KIF16B: variants seen among roughly 807,000 people sequenced by gnomAD.
KIF16B encodes the protein kinesin-like protein KIF16B.
Under a neutral mutation model 156.3 loss-of-function variants are expected in KIF16B, and 98 were observed. The ratio of observed to expected loss-of-function variants is 0.63; its 90% CI spans 0.53 to 0.74. The LOEUF (loss-of-function observed/expected upper bound fraction) is 0.74, where lower values mean the gene tolerates loss of function less well. Among genes scored for constraint, KIF16B ranks in the 30% least tolerant of loss-of-function variants. The pLI is 0.00. For missense variants in KIF16B, 1,421 were observed against 1,606.5 expected (o/e 0.88, Z 1.97); for synonymous variants, 564 against 583.7 (o/e 0.97, Z 0.49).
At chr20:16,546,407 T>C (rs1228253478) in intron 1 of KIF16B, among the ~76,000 whole-genome samples, 1 of 152,206 alleles carries the variant, frequency 6.6e-6, no homozygotes, top group South Asian at 2.1e-4. Flanking sequence ...CCTCCATTTA[T>C]TCAGTTAATG....
chr20:16,554,585 C>T (rs2070779951), intron 1 of KIF16B, among the ~76,000 whole-genome samples: 1 of 152,208 alleles, frequency 6.6e-6, no homozygotes, highest in East Asian at 1.9e-4. Context: ...GAACTTGGGA[C>T]CCATCAAATG....
chr20:16,403,635 T>G (rs2065710859), intron 17 of KIF16B, among the ~76,000 whole-genome samples: 1 of 152,202 alleles, frequency 6.6e-6, no homozygotes, highest in Non-Finnish European at 1.5e-5. Flanking sequence ...AGTGCTGTAC[T>G]ACATGGCTTT....
rs1483486430 is a variant in KIF16B, at chr20:16,368,346, G to A, written c.3498+2240C>T. On this transcript the variant is annotated intron_variant, in intron 22 of 25. Coordinates refer to ENST00000354981, the MANE Select transcript of KIF16B (RefSeq NM_024704.5). Reference sequence around the variant, plus strand: ...CTGGCCTCAGGCTCCCTGCAGCTTCGCTCTCGCTGCTGCCAACCCGAGCTT... The same window carrying A: ...CTGGCCTCAGGCTCCCTGCAGCTTCACTCTCGCTGCTGCCAACCCGAGCTT... The A allele has an allele frequency of 1.4e-5, 14 of 989,102 alleles. No individual in the cohort carries two copies. The Admixed American group carries it at 3.0e-4, about 21-fold the overall frequency. 61.3% of individuals were successfully genotyped at this position (989,102 alleles called of 1,614,324 possible). A position where few individuals can be genotyped will look rare whatever the true frequency, so the allele number is the denominator to read the frequency against.
At chr20:16,508,825 C>T (rs779710252) in intron 6 of KIF16B, among the ~76,000 whole-genome samples, 4 of 152,228 alleles carry the variant, frequency 2.6e-5, no homozygotes, top group African/African-American at 7.2e-5. Context: ...TGCAAAAGCA[C>T]TGCCTTCATG....
intron 17 of KIF16B, among the ~76,000 whole-genome samples, chr20:16,396,524 G>A (rs528227487): frequency 1.3e-5 from 2 of 151,604 alleles, no homozygotes; most frequent in Non-Finnish European, 2.9e-5. Context: ...ATATAAATGT[G>A]TGTACATATA....
In KIF16B at chr20:16,465,826, TTTCTCTTTC is replaced by T. The variant is rs373870081; in HGVS notation, c.1302+28456_1302+28464del. On this transcript the variant is annotated intron_variant, in intron 12 of 25. Coordinates refer to ENST00000354981, the MANE Select transcript of KIF16B (RefSeq NM_024704.5). ...GAATAGACAAATAATTCCTTCTTTA[TTTCTCTTTC>T]TTCTCTTTTCTTCCTGAACACAAGA... Among the ~76,000 whole-genome samples, 575 of 152,320 alleles carry T rather than the reference TTTCTCTTTC, an allele frequency of 3.8e-3. 5 individuals carry two copies. The highest frequency in any genetic ancestry group is 0.013 in the African/African-American group (543 of 41,570).
At chr20:16,466,540 G>A (rs1157495259) in intron 12 of KIF16B, among the ~76,000 whole-genome samples, 4 of 152,152 alleles carry the variant, frequency 2.6e-5, no homozygotes, top group Non-Finnish European at 5.9e-5. Context: ...GTTTTATAAA[G>A]GGGAGTTCCC....
chr20:16,365,926 G>A (rs145151116), intron 22 of KIF16B, among the ~76,000 whole-genome samples: 40 of 152,298 alleles, frequency 2.6e-4, no homozygotes, highest in African/African-American at 8.2e-4. Flanking sequence ...GGTGGGCTGA[G>A]CAAGACAGAA....
intron 24 of KIF16B, among the ~76,000 whole-genome samples, chr20:16,316,529 T>A (rs1196545323): frequency 6.6e-6 from 1 of 152,136 alleles, no homozygotes. Context: ...TGGATGGGCT[T>A]CCTCAGCTCA....
chr20:16,445,248 A>G (rs892101351), intron 12 of KIF16B, among the ~76,000 whole-genome samples: 3 of 152,116 alleles, frequency 2.0e-5, no homozygotes, highest in Non-Finnish European at 4.4e-5. Flanking sequence ...ACATATATTT[A>G]TTTGTTTTTA....
intron 12 of KIF16B, among the ~76,000 whole-genome samples, chr20:16,446,287 CCA>C (rs2066929277): frequency 6.6e-6 from 1 of 152,168 alleles, no homozygotes. Flanking sequence ...GAGAACAATG[CCA>C]AGCATTAGCT....
intron 12 of KIF16B, among the ~76,000 whole-genome samples, chr20:16,466,569 C>T (rs2067496579): frequency 6.6e-6 from 1 of 152,320 alleles, no homozygotes; most frequent in South Asian, 2.1e-4. Context: ...GCTCTCTTGC[C>T]TGCTGCCATG....
At chr20:16,550,782 T>A (rs1215273628) in intron 1 of KIF16B, among the ~76,000 whole-genome samples, 3 of 152,090 alleles carry the variant, frequency 2.0e-5, no homozygotes. Context: ...TGATCCACCA[T>A]GACCTCCCAA....
intron 15 of KIF16B, among the ~76,000 whole-genome samples, chr20:16,415,316 C>T (rs2066059590): frequency 6.6e-6 from 1 of 152,122 alleles, no homozygotes; most frequent in African/African-American, 2.4e-5. Context: ...TAGTAATCAT[C>T]TCAATTATTT....
At chr20:16,508,205 C>G in intron 6 of KIF16B, 105 bp from the exon 7 acceptor site, 1 of 1,303,206 alleles carries the variant, frequency 7.7e-7, no homozygotes, top group Non-Finnish European at 1.1e-6. Context: ...ATCTGCTGAC[C>G]TGTCTGAAGA....
intron 25 of KIF16B, among the ~76,000 whole-genome samples, chr20:16,276,942 A>G (rs2063070452): frequency 6.6e-6 from 1 of 152,224 alleles, no homozygotes; most frequent in Non-Finnish European, 1.5e-5. Flanking sequence ...CAAAGTTAAT[A>G]TATCTATGCC....
At chr20:16,300,030 C>T (rs563334256) in intron 25 of KIF16B, among the ~76,000 whole-genome samples, 2 of 152,320 alleles carry the variant, frequency 1.3e-5, no homozygotes, top group East Asian at 3.9e-4. Flanking sequence ...AGGATCTTTA[C>T]AACTGTTTGT....
intron 24 of KIF16B, among the ~76,000 whole-genome samples, chr20:16,327,147 T>C (rs927109846): frequency 1.3e-5 from 2 of 151,114 alleles, no homozygotes; most frequent in Non-Finnish European, 2.9e-5. Context: ...ATAATGGCAT[T>C]TGCAGCAACC....
At chr20:16,505,202 C>G (rs2068738437) in intron 9 of KIF16B, among the ~76,000 whole-genome samples, 1 of 152,144 alleles carries the variant, frequency 6.6e-6, no homozygotes, top group Non-Finnish European at 1.5e-5. Flanking sequence ...GGAAACAAGT[C>G]CTGACTTCTC....
Sources: gnomAD v4.1 joint callset for allele counts (sites outside exome capture counted in the v4.1 genomes callset) on GRCh38, gnomAD v4.1.1 for gene constraint, MANE v1.5 for transcripts, NCBI Gene and HGNC (gene_info 2026-07-23, HGNC 2026-07-21) for gene names.